The following DNAAF10 variants were observed in gnomAD, a reference collection of about 807,000 sequenced individuals.
DNAAF10 encodes WD repeat domain 92.
A neutral mutation model predicts 43.7 loss-of-function variants in DNAAF10; 28 were observed. The observed-to-expected ratio is 0.64, with a 90% CI of 0.48 to 0.88. The LOEUF (loss-of-function observed/expected upper bound fraction) is 0.88. Ranked by LOEUF, DNAAF10 falls within the 40% of genes least tolerant of loss-of-function variation. The probability of loss-of-function intolerance (pLI) is 0.00; values close to 1 mark genes in which losing one functional copy is unlikely to be tolerated. For missense variants in DNAAF10, 403 were observed against 439.1 expected, an observed-to-expected ratio of 0.92 and a Z score of 0.73; for synonymous variants, 156 against 157.3, an observed-to-expected ratio of 0.99 and a Z score of 0.06.
chr2:68,132,170 T>C (rs1229183648), intron 7 of DNAAF10, among the ~76,000 whole-genome samples: 3 of 152,230 alleles, frequency 2.0e-5, no homozygotes, highest in Non-Finnish European at 4.4e-5. Flanking sequence ...CCAATAGAGA[T>C]GTGTTCCTAA....
intron 1 of DNAAF10, among the ~76,000 whole-genome samples, chr2:68,149,299 T>C (rs189848514): frequency 6.7e-4 from 102 of 152,354 alleles, no homozygotes; most frequent in African/African-American, 2.4e-3. Flanking sequence ...GTTTGTGATC[T>C]AGATAAATTG....
rs574950577 is a variant in DNAAF10, at chr2:68,151,155, T to C, written c.184-3588A>G. On this transcript the variant is annotated intron_variant, in intron 1 of 7. Transcript: ENST00000295121. ...GAAGCACAGACTCACAAGAGTGGCATGAAGGCCTATGGTATACAAAATGCA... is the reference window on the plus strand; with the variant it reads ...GAAGCACAGACTCACAAGAGTGGCACGAAGGCCTATGGTATACAAAATGCA... Among the ~76,000 whole-genome samples, 6 of 152,370 alleles carry C rather than the reference T, an allele frequency of 3.9e-5. No individual in the cohort carries two copies. The East Asian group carries it at 1.2e-3, about 29-fold the overall frequency.
intron 1 of DNAAF10, among the ~76,000 whole-genome samples, chr2:68,156,181 GA>G (rs1036077504): frequency 6.0e-5 from 9 of 148,884 alleles, no homozygotes; most frequent in African/African-American, 2.2e-4. Context: ...AGGAAAGGTA[GA>G]AAAAAATAAG....
At chr2:68,139,267 C>T (rs1200124623) in intron 4 of DNAAF10, among the ~76,000 whole-genome samples, 1 of 152,142 alleles carries the variant, frequency 6.6e-6, no homozygotes, top group East Asian at 1.9e-4. Flanking sequence ...CCCTCCTCCC[C>T]TCTCTCTTGC....
intron 1 of DNAAF10, 109 bp from the exon 2 acceptor site, chr2:68,147,676 A>C: frequency 1.4e-6 from 1 of 700,300 alleles, no homozygotes; most frequent in Non-Finnish European, 2.1e-6. Context: ...AGACAATATA[A>C]AAGGCAATTA....
Position 68,141,703 on chromosome 2 carries a change from C to T in DNAAF10, c.508G>A (p.Val170Met). The T allele has an allele frequency of 1.2e-6, 2 of 1,611,452 alleles. No homozygotes were observed. Among genetic ancestry groups the T allele is most frequent in the Non-Finnish European group, 8.5e-7 (1 of 1,179,130 alleles). Residue 170 changes from valine (V) to methionine (M), a missense_variant, in exon 4 of 8, where the codon GTG becomes ATG. Transcript: ENST00000295121. ...TTCTTCAATAATTTACCAAATGCCA[C>T]AGTCCAACAGTCTCTCTTGTTTTCT... is the stretch of plus-strand genomic sequence containing the variant. The part of the protein sequence containing the change: ...QGENKRDCWT[V>M]AFGNAYNQEE...
At chr2:68,133,800 G>A (rs1572915580) in intron 7 of DNAAF10, among the ~76,000 whole-genome samples, 1 of 152,102 alleles carries the variant, frequency 6.6e-6, no homozygotes, top group African/African-American at 2.4e-5. Flanking sequence ...CGGTATCCCT[G>A]CACACAGTAC....
At chr2:68,155,979 G>T (rs921819921) in intron 1 of DNAAF10, among the ~76,000 whole-genome samples, 2 of 151,740 alleles carry the variant, frequency 1.3e-5, no homozygotes, top group African/African-American at 4.8e-5. Flanking sequence ...AATTAGTTAG[G>T]TGTGGTGGCA....
chr2:68,151,893 C>T (rs1265650089), intron 1 of DNAAF10, among the ~76,000 whole-genome samples: 2 of 152,216 alleles, frequency 1.3e-5, no homozygotes, highest in Non-Finnish European at 2.9e-5. Flanking sequence ...CAGAACACCA[C>T]TTTCAAGATG....
At chr2:68,143,179 G>GA (rs11452633) in intron 3 of DNAAF10, among the ~76,000 whole-genome samples, 7,215 of 148,190 alleles carry the variant, frequency 0.049, 547 homozygotes, top group African/African-American at 0.16. Flanking sequence ...GTTTTAAAAA[G>GA]AAAAAAAAAA....
rs753594623 is a variant in DNAAF10 at position 68,144,681 on chromosome 2, C to T, written c.319G>A (p.Val107Ile). 1.9e-6 allele frequency: 3 copies of T among 1,613,942 alleles called. No homozygotes were observed. Among genetic ancestry groups the T allele is most frequent in the Non-Finnish European group, 1.7e-6 (2 of 1,180,000 alleles). ...TTTATAATTTCTTTATGGCCCTTTACAGAATATACTGGCATCTCTGGAGCT... is the reference window on the plus strand; with the variant it reads ...TTTATAATTTCTTTATGGCCCTTTATAGAATATACTGGCATCTCTGGAGCT... Reference protein sequence around the residue: ...LEAPEMPVYSVKGHKEIINAI... With the variant: ...LEAPEMPVYSIKGHKEIINAI... The change falls in exon 3 of 8, where the codon GTA (valine) becomes ATA (isoleucine). Residue 107 changes from valine to isoleucine, a missense_variant. Val to Ile is a conservative substitution (Grantham distance 29). Coordinates refer to ENST00000295121, the MANE Select transcript of DNAAF10 (RefSeq NM_138458.4).
intron 4 of DNAAF10, among the ~76,000 whole-genome samples, chr2:68,140,416 G>T (rs1369615005): frequency 2.0e-5 from 3 of 152,088 alleles, no homozygotes; most frequent in African/African-American, 7.2e-5. Context: ...CAATCAGCCT[G>T]AAAACTCAGT....
chr2:68,150,650 T>A (rs1673433778), intron 1 of DNAAF10, among the ~76,000 whole-genome samples: 1 of 152,052 alleles, frequency 6.6e-6, no homozygotes, highest in African/African-American at 2.4e-5. Context: ...GGAGAACTGC[T>A]TGAACCCAGA....
chr2:68,154,307 C>T (rs1365211260), intron 1 of DNAAF10, among the ~76,000 whole-genome samples: 1 of 151,886 alleles, frequency 6.6e-6, no homozygotes, highest in Non-Finnish European at 1.5e-5. Flanking sequence ...AGTGCAGTGG[C>T]GCGATCTCGG....
chr2:68,153,679 G>A (rs922478012), intron 1 of DNAAF10, among the ~76,000 whole-genome samples: 1 of 151,400 alleles, frequency 6.6e-6, no homozygotes, highest in African/African-American at 2.4e-5. Flanking sequence ...GGGAGTTACT[G>A]GACCAGTATT....
rs188095545 is a variant in DNAAF10, at chr2:68,130,842, T to A, written c.*396A>T. 3.4e-3 allele frequency: 536 copies of A among 157,948 alleles called. 9 individuals carry two copies. The highest frequency in any genetic ancestry group is 3.7e-3 in the Non-Finnish European group (265 of 71,136). The allele number at this position is 157,948 out of a possible 1,614,324, so 9.8% of individuals were successfully genotyped here. On this transcript the variant is annotated 3_prime_UTR_variant, in exon 8 of 8. Transcript: ENST00000295121. Reference sequence around the variant, plus strand: ...ATCAGCCAAATCCAGCTTTGTTCAATGAGGGTCAGAGGACTCCAGAACCTA... The same window carrying A: ...ATCAGCCAAATCCAGCTTTGTTCAAAGAGGGTCAGAGGACTCCAGAACCTA...
chr2:68,157,144 C>T, intron 1 of DNAAF10, 117 bp downstream of exon 1: 1 of 1,376,806 alleles, frequency 7.3e-7, no homozygotes, highest in Non-Finnish European at 9.8e-7. Context: ...TCTGGTCTCG[C>T]GCGGCTCAAG....
chr2:68,152,723 A>G (rs1572928256), intron 1 of DNAAF10, among the ~76,000 whole-genome samples: 1 of 152,226 alleles, frequency 6.6e-6, no homozygotes, highest in Admixed American at 6.5e-5. Flanking sequence ...ATGGCCATCA[A>G]TGATGGTCAT....
chr2:68,147,507 AT>A lies in DNAAF10; in HGVS notation c.243del (p.Arg81SerfsTer3). 6.2e-7 allele frequency: 1 copy of A among 1,612,056 alleles called. No homozygotes were observed. Among genetic ancestry groups the A allele is most frequent in the Non-Finnish European group, 8.5e-7 (1 of 1,179,108 alleles). On this transcript the variant is annotated frameshift_variant, in exon 2 of 8. Transcript: ENST00000295121. LOFTEE classifies it high-confidence loss of function. ...CCACCAAAATCTCCAGTAGCTAAAT[AT>A]CTCTGCTGTAAAGATGTTGCACCAA... ...GTFGATSLQQ[R>X]YLATGDFGGN...
Sources: allele counts gnomAD v4.1 joint callset (sites outside exome capture counted in the v4.1 genomes callset), GRCh38; gene constraint gnomAD v4.1.1; transcripts MANE v1.5; gene names NCBI Gene and HGNC (gene_info 2026-07-23, HGNC 2026-07-21).